CFTR: variants seen among roughly 807,000 people sequenced by gnomAD.
CFTR encodes CF transmembrane conductance regulator, also known as cystic fibrosis transmembrane conductance regulator.
In CFTR, 181 loss-of-function variants were observed where a neutral mutation model predicts 171.6. The observed-to-expected ratio is 1.05, with a 90% CI of 0.93 to 1.19. The LOEUF (loss-of-function observed/expected upper bound fraction) is 1.19, where lower values mean the gene tolerates loss of function less well. CFTR is among the 50% of genes most tolerant of loss of function. CFTR has a pLI of 0.00. For synonymous variants in CFTR, 583 were observed against 608.0 expected, an observed-to-expected ratio of 0.96 and a Z score of 0.60; for missense variants, 1,968 against 1,734.7, an observed-to-expected ratio of 1.13 and a Z score of -2.39.
intron 14 of CFTR, among the ~76,000 whole-genome samples, chr7:117,593,593 T>G (rs907037063): frequency 2.7e-5 from 4 of 150,744 alleles, no homozygotes; most frequent in Non-Finnish European, 4.5e-5. Flanking sequence ...TTTTTTTGTG[T>G]GTTTGTTTGT....
chr7:117,491,666 G>T (rs1384064448), intron 1 of CFTR, among the ~76,000 whole-genome samples: 2 of 151,952 alleles, frequency 1.3e-5, no homozygotes, highest in Non-Finnish European at 2.9e-5. Flanking sequence ...GCCTGTCTCT[G>T]TGTCCAAACT....
At chr7:117,504,862 AT>A (rs201446041) in intron 2 of CFTR, among the ~76,000 whole-genome samples, 2 of 151,834 alleles carry the variant, frequency 1.3e-5, no homozygotes, top group African/African-American at 4.8e-5. Flanking sequence ...CTAAGAAATG[AT>A]TTTTTTTCCT....
rs1554392344 is a variant in CFTR, at chr7:117,612,021, A to ATG, written c.3367+215_3367+216dup. ...CTTGAAATCGGATATATATATATATATGTATATATATATATATATATATAT... is the reference window on the plus strand; with the variant it reads ...CTTGAAATCGGATATATATATATATATGTGTATATATATATATATATATATAT... On this transcript the variant is annotated intron_variant, in intron 20 of 26. Coordinates refer to ENST00000003084, the MANE Select transcript of CFTR (RefSeq NM_000492.4). Among the ~76,000 whole-genome samples the ATG allele has an allele frequency of 3.1e-3, 163 of 52,390 alleles. 6 individuals carry two copies. Among genetic ancestry groups the ATG allele is most frequent in the Admixed American group, 0.025 (105 of 4,270 alleles). 34.4% of individuals were successfully genotyped at this position (52,390 alleles called of 152,430 possible).
At chr7:117,533,539 A>G (rs1454540108) in intron 4 of CFTR, among the ~76,000 whole-genome samples, 1 of 152,172 alleles carries the variant, frequency 6.6e-6, no homozygotes, top group Non-Finnish European at 1.5e-5. Context: ...CTAAATGCTC[A>G]ACAAATATGT....
chr7:117,537,801 T>C (rs1798982301), intron 7 of CFTR, among the ~76,000 whole-genome samples: 1 of 152,214 alleles, frequency 6.6e-6, no homozygotes, highest in Non-Finnish European at 1.5e-5. Flanking sequence ...GGGGGAATTG[T>C]TCAATTGGTA....
chr7:117,644,604 T>C (rs1056228117), intron 23 of CFTR, among the ~76,000 whole-genome samples: 3 of 152,162 alleles, frequency 2.0e-5, no homozygotes, highest in Admixed American at 1.3e-4. Context: ...AACAGGAACT[T>C]TGAACAAGAA....
rs397508330 is a variant in CFTR, at chr7:117,592,179, TAGA to T, written c.2015_2017del (p.Glu672del). On this transcript the variant is annotated inframe_deletion, in exon 14 of 27. Transcript: ENST00000003084. Reference sequence around the variant, plus strand: ...ACTGAGACCTTACACCGTTTCTCATTAGAAGGAGATGCTCCTGTCTCCTGGACA... The same window carrying T: ...ACTGAGACCTTACACCGTTTCTCATTAGGAGATGCTCCTGTCTCCTGGACA... 4.3e-6 allele frequency: 7 copies of T among 1,613,918 alleles called. No homozygotes were observed. Among genetic ancestry groups the T allele is most frequent in the Middle Eastern group, 1.6e-4 (1 of 6,062 alleles).
At chr7:117,662,152 A>G (rs991178501) in intron 24 of CFTR, among the ~76,000 whole-genome samples, 3 of 152,208 alleles carry the variant, frequency 2.0e-5, no homozygotes, top group Non-Finnish European at 4.4e-5. Flanking sequence ...ACATTTTACA[A>G]TGGCAGAGCT....
intron 13 of CFTR, among the ~76,000 whole-genome samples, chr7:117,591,434 C>T (rs543424071): frequency 6.6e-6 from 1 of 151,978 alleles, no homozygotes. Flanking sequence ...GTTATTATTG[C>T]TGTTTTATTT....
intron 23 of CFTR, among the ~76,000 whole-genome samples, chr7:117,648,825 C>T (rs916681555): frequency 6.6e-6 from 1 of 152,052 alleles, no homozygotes; most frequent in Non-Finnish European, 1.5e-5. Flanking sequence ...GTGCCAGGTA[C>T]TATTTGTAAT....
intron 22 of CFTR, among the ~76,000 whole-genome samples, chr7:117,636,293 CT>C (rs1792826391): frequency 6.6e-6 from 1 of 152,004 alleles, no homozygotes. Flanking sequence ...AAGATTTTTT[CT>C]TTATGAACAT....
chr7:117,642,385 A>G, intron 22 of CFTR, 53 bp from the exon 23 acceptor site: 1 of 1,489,818 alleles, frequency 6.7e-7, no homozygotes, highest in Non-Finnish European at 9.4e-7. Context: ...AATTATGTTT[A>G]TGGCATGGTA....
chr7:117,585,673 G>T (rs949493637), intron 11 of CFTR, among the ~76,000 whole-genome samples: 2 of 152,000 alleles, frequency 1.3e-5, no homozygotes, highest in Non-Finnish European at 2.9e-5. Context: ...ATTGAGTCTT[G>T]CTCTGTCATC....
At position 117,535,334 on chromosome 7, in the gene CFTR, T is replaced by C. The variant is rs777446212; in HGVS notation, c.666T>C (p.Ser222=). ...MGLIWELLQA[S]AFCGLGFLIV... is the part of the protein sequence containing the mutation. ...TAATCTGGGAGTTGTTACAGGCGTC[T>C]GCCTTCTGTGGACTTGGTTTCCTGA... The change falls in exon 6 of 27, where the codon TCT becomes TCC. Residue 222 remains serine, a synonymous_variant. Coordinates refer to ENST00000003084, the MANE Select transcript of CFTR (RefSeq NM_000492.4). 1 of 1,614,154 alleles carries C rather than the reference T, an allele frequency of 6.2e-7. No homozygotes were observed.
At chr7:117,634,562 A>C (rs564767956) in intron 22 of CFTR, among the ~76,000 whole-genome samples, 1 of 152,128 alleles carries the variant, frequency 6.6e-6, no homozygotes, top group Admixed American at 6.5e-5. Flanking sequence ...TATTGTTAAG[A>C]TCCTTTTGCA....
chr7:117,622,658 G>A (rs1396497292), intron 21 of CFTR, among the ~76,000 whole-genome samples: 1 of 152,090 alleles, frequency 6.6e-6, no homozygotes, highest in Admixed American at 6.6e-5. Flanking sequence ...GGGGTATGAT[G>A]GCACATAGTT....
At chr7:117,512,339 C>T (rs1212655950) in intron 3 of CFTR, among the ~76,000 whole-genome samples, 1 of 152,010 alleles carries the variant, frequency 6.6e-6, no homozygotes, top group Non-Finnish European at 1.5e-5. Flanking sequence ...TTTAAGACTC[C>T]TAGCAAGTCC....
chr7:117,597,502 A>G (rs2116046855), intron 15 of CFTR, among the ~76,000 whole-genome samples: 1 of 152,338 alleles, frequency 6.6e-6, no homozygotes, highest in South Asian at 2.1e-4. Flanking sequence ...AGATGAGCTA[A>G]AGAAAAGAAA....
chr7:117,540,402 T>A, intron 8 of CFTR, 56 bp downstream of exon 8: 1 of 1,516,990 alleles, frequency 6.6e-7, no homozygotes, highest in African/African-American at 1.4e-5. Flanking sequence ...AGTCAATAGA[T>A]CAGTTCTAAT....
Sources: allele counts gnomAD v4.1 joint callset (sites outside exome capture counted in the v4.1 genomes callset), GRCh38; gene constraint gnomAD v4.1.1; transcripts MANE v1.5; gene names NCBI Gene and HGNC (gene_info 2026-07-23, HGNC 2026-07-21).